The following RIMS3 variants were observed in gnomAD, a reference collection of about 807,000 sequenced individuals.
RIMS3 encodes regulating synaptic membrane exocytosis 3.
In RIMS3, 15 loss-of-function variants were observed where a neutral mutation model predicts 29.2. The ratio of observed to expected loss-of-function variants is 0.51; its 90% CI spans 0.34 to 0.79. RIMS3 has a LOEUF of 0.79. RIMS3 is among the 30% of genes least tolerant of loss of function. The pLI is 0.01. For missense variants in RIMS3, 342 were observed against 421.4 expected (o/e 0.81, Z 1.65); for synonymous variants, 161 against 170.1 (o/e 0.95, Z 0.41).
intron 3 of RIMS3, among the ~76,000 whole-genome samples, chr1:40,639,539 A>G (rs1646542550): frequency 6.6e-6 from 1 of 152,218 alleles, no homozygotes; most frequent in East Asian, 1.9e-4. Context: ...TGTGCCAGGC[A>G]TGAAGCTGGG....
chr1:40,638,863 A>G (rs1646538018), intron 3 of RIMS3, among the ~76,000 whole-genome samples: 1 of 152,228 alleles, frequency 6.6e-6, no homozygotes, highest in African/African-American at 2.4e-5. Context: ...GCCCAGCGGA[A>G]AAGTAAATTT....
rs142221680 is a variant in RIMS3, at chr1:40,650,758, C to T, written c.-206-2916G>A. ...GCACACACCTGTAGTCCCAGCTACT[C>T]GGGAGGCTGAGGTGGGAGGATGGCT... On this transcript the variant is annotated intron_variant, in intron 1 of 7. Coordinates refer to ENST00000372684, the MANE Select transcript of RIMS3 (RefSeq NM_014747.3). 6.2e-3 allele frequency among the ~76,000 whole-genome samples: 888 copies of T among 143,516 alleles called. 9 individuals are homozygous for T. Among genetic ancestry groups the T allele is most frequent in the African/African-American group, 0.022 (855 of 38,696 alleles). The allele number at this position is 143,516 out of a possible 152,430, so 94.2% of individuals were successfully genotyped here. A position where few individuals can be genotyped will look rare whatever the true frequency, so the allele number is the denominator to read the frequency against.
chr1:40,645,998 G>A (rs1646592819), intron 2 of RIMS3, among the ~76,000 whole-genome samples: 1 of 152,200 alleles, frequency 6.6e-6, no homozygotes, highest in Admixed American at 6.5e-5. Context: ...GACTGACCTT[G>A]TGGGTCAGAA....
chr1:40,678,846 G>C, the RIMS3 span, among the ~76,000 whole-genome samples: 1 of 152,354 alleles, frequency 6.6e-6, no homozygotes, highest in Admixed American at 6.5e-5. Context: ...CGCTGTGTCA[G>C]TCTGGGTGAA....
the RIMS3 span, among the ~76,000 whole-genome samples, chr1:40,685,340 T>TA: frequency 1.6e-5 from 1 of 62,382 alleles, no homozygotes; most frequent in Non-Finnish European, 3.1e-5. Context: ...AATATAATTA[T>TA]ATTATATATA....
chr1:40,626,222 G>A lies in RIMS3; in HGVS notation c.*295C>T. Reference sequence around the variant, plus strand: ...TCATGTCCACACAACACTCCTTTGGGTTTCTTTTCAACAAGACACAAAGAG... The same window carrying A: ...TCATGTCCACACAACACTCCTTTGGATTTCTTTTCAACAAGACACAAAGAG... On this transcript the variant is annotated 3_prime_UTR_variant, in exon 8 of 8. Coordinates refer to ENST00000372684, the MANE Select transcript of RIMS3 (RefSeq NM_014747.3). The A allele has an allele frequency of 2.2e-6, 1 of 461,758 alleles. No homozygotes were observed. Among genetic ancestry groups the A allele is most frequent in the Non-Finnish European group, 4.0e-6 (1 of 248,764 alleles). 28.6% of individuals were successfully genotyped at this position (461,758 alleles called of 1,614,324 possible).
chr1:40,623,379 G>C lies in RIMS3; in HGVS notation c.*3138C>G. 1 of 398,602 alleles carries C rather than the reference G, an allele frequency of 2.5e-6. No homozygotes were observed. Among genetic ancestry groups the C allele is most frequent in the Non-Finnish European group, 4.4e-6 (1 of 226,078 alleles). The allele number at this position is 398,602 out of a possible 1,614,324, so 24.7% of individuals were successfully genotyped here. ...CAGGGAAAAGGAGTCTATGAAGAAAGTGGGACAGAATGAACAGAGCAGAAA... is the reference window on the plus strand; with the variant it reads ...CAGGGAAAAGGAGTCTATGAAGAAACTGGGACAGAATGAACAGAGCAGAAA... On this transcript the variant is annotated 3_prime_UTR_variant, in exon 8 of 8. Coordinates refer to ENST00000372684, the MANE Select transcript of RIMS3 (RefSeq NM_014747.3).
At chr1:40,689,580 G>A in the RIMS3 span, among the ~76,000 whole-genome samples, 3 of 151,914 alleles carry the variant, frequency 2.0e-5, no homozygotes, top group African/African-American at 7.3e-5. Context: ...GTGCCCGGCC[G>A]GTTCATGCCA....
At chr1:40,627,806 A>G (rs983727347) in intron 7 of RIMS3, among the ~76,000 whole-genome samples, 1 of 150,662 alleles carries the variant, frequency 6.6e-6, no homozygotes, top group African/African-American at 2.4e-5. Context: ...GGATCTTGCT[A>G]TGTTGCCAGG....
chr1:40,633,208 G>A, intron 4 of RIMS3, 27 bp from the exon 5 acceptor site: 7 of 1,584,008 alleles, frequency 4.4e-6, no homozygotes, highest in Non-Finnish European at 6.1e-6. Flanking sequence ...AGGGACGCGT[G>A]AGGGGGTCAG....
rs1205725706 is a variant in RIMS3, at chr1:40,626,601, T to C, written c.843A>G (p.Ser281=). 4 of 1,614,098 alleles carry C rather than the reference T, an allele frequency of 2.5e-6. No homozygotes were observed. Among genetic ancestry groups the C allele is most frequent in the Admixed American group, 3.3e-5 (2 of 60,022 alleles). The part of the protein sequence containing the change: ...TGWYKLFPTS[S]VADSTLGSLT... ...GGGATCCGAGTGTGGAGTCTGCCACTGAGGAGGTGGGGAAGAGTTTGTACC... is the reference window on the plus strand; with the variant it reads ...GGGATCCGAGTGTGGAGTCTGCCACCGAGGAGGTGGGGAAGAGTTTGTACC... Residue 281 remains serine, a synonymous_variant, in exon 8 of 8, where the codon TCA becomes TCG. Transcript: ENST00000372684.
At chr1:40,672,770 G>C in the RIMS3 span, among the ~76,000 whole-genome samples, 1 of 151,862 alleles carries the variant, frequency 6.6e-6, no homozygotes, top group Admixed American at 6.6e-5. Context: ...AGGAGGCTGA[G>C]GCAGAAGACT....
chr1:40,625,532 C>G lies in RIMS3; in HGVS notation c.*985G>C, dbSNP rs1320279563. ...CCTCAGCCCTCCTTATTCCAGCAAA[C>G]AGCCCTACCCACAGAACCTCCTTAC... On this transcript the variant is annotated 3_prime_UTR_variant, in exon 8 of 8. Coordinates refer to ENST00000372684, the MANE Select transcript of RIMS3 (RefSeq NM_014747.3). 6.6e-6 allele frequency: 1 copy of G among 152,296 alleles called. No individual in the cohort carries two copies. Among genetic ancestry groups the G allele is most frequent in the Non-Finnish European group, 1.5e-5 (1 of 68,088 alleles). 9.4% of individuals were successfully genotyped at this position (152,296 alleles called of 1,614,324 possible).
rs756093839 is a variant in RIMS3 at position 40,628,836 on chromosome 1, C to A, written c.688G>T (p.Glu230Ter). 1 of 1,614,158 alleles carries A rather than the reference C, an allele frequency of 6.2e-7. No homozygotes were observed. Among genetic ancestry groups the A allele is most frequent in the Non-Finnish European group, 8.5e-7 (1 of 1,180,034 alleles). The change falls in exon 7 of 8, where the codon GAG (glutamate) becomes TAG (stop). Residue 230 changes from glutamate (E) to a stop codon, truncating the protein, a stop_gained. Coordinates refer to ENST00000372684, the MANE Select transcript of RIMS3 (RefSeq NM_014747.3). LOFTEE classifies it high-confidence loss of function. ...TGCAGCACCTTGCCCTGGGGTCCCT[C>A]GTCAAAGAGCAGAGCCTGCTGGTAC... is the stretch of plus-strand genomic sequence containing the variant. ...PLYQQALLFD[E>*]GPQGKVLQVI...
At chr1:40,670,734 A>G in the RIMS3 span, among the ~76,000 whole-genome samples, 1 of 150,840 alleles carries the variant, frequency 6.6e-6, no homozygotes, top group Non-Finnish European at 1.5e-5. Context: ...GATTACAGGC[A>G]TGTGCCACTA....
chr1:40,688,779 T>C, the RIMS3 span, among the ~76,000 whole-genome samples: 1 of 152,222 alleles, frequency 6.6e-6, no homozygotes, highest in Non-Finnish European at 1.5e-5. Flanking sequence ...ATGGTAGTGC[T>C]AGCCTTTGTG....
chr1:40,691,835 C>T, the RIMS3 span: 2 of 433,572 alleles, frequency 4.6e-6, no homozygotes, highest in African/African-American at 4.1e-5. Context: ...AGCGCGGGGG[C>T]GGCTCCTGCT....
Position 40,641,731 on chromosome 1 carries a change from G to A in RIMS3, c.195C>T (p.Ser65=). 2 of 1,614,168 alleles carry A rather than the reference G, an allele frequency of 1.2e-6. No homozygotes were observed. Among genetic ancestry groups the A allele is most frequent in the South Asian group, 1.1e-5 (1 of 91,082 alleles). ...CACCAGGCTGCGGAAGCTGGAGTGT[G>A]CTCTTGCTCCACTGAGTCAGGCCCA... The part of the protein sequence containing the change: ...AIVGLTQWSK[S]TLQLPQPEGA... The change falls in exon 3 of 8, where the codon AGC becomes AGT. Residue 65 remains serine, a synonymous_variant. Transcript: ENST00000372684.
chr1:40,680,466 G>A, the RIMS3 span, among the ~76,000 whole-genome samples: 1 of 151,812 alleles, frequency 6.6e-6, no homozygotes, highest in East Asian at 1.9e-4. Context: ...CAAGTAGCTA[G>A]AATTACAGGT....
Sources: allele counts gnomAD v4.1 joint callset (sites outside exome capture counted in the v4.1 genomes callset), GRCh38; gene constraint gnomAD v4.1.1; transcripts MANE v1.5; gene names NCBI Gene and HGNC (gene_info 2026-07-23, HGNC 2026-07-21).